The following GALNT13 variants were observed in gnomAD, a reference collection of about 807,000 sequenced individuals.
GALNT13 encodes UDP-GalNAc:polypeptide N-acetylgalactosaminyltransferase 13.
In GALNT13, 28 loss-of-function variants were observed where a neutral mutation model predicts 64.2. The observed-to-expected ratio is 0.44, with a 90% CI of 0.32 to 0.60. The LOEUF (loss-of-function observed/expected upper bound fraction) is 0.60. GALNT13 is among the 20% of genes least tolerant of loss of function. The pLI is 0.05. For synonymous variants in GALNT13, 214 were observed against 224.6 expected, an observed-to-expected ratio of 0.95 and a Z score of 0.42; for missense variants, 577 against 669.8, an observed-to-expected ratio of 0.86 and a Z score of 1.53.
chr2:154,106,527 T>G (rs1026181072), intron 3 of GALNT13, among the ~76,000 whole-genome samples: 3 of 151,998 alleles, frequency 2.0e-5, no homozygotes, highest in African/African-American at 7.2e-5. Context: ...ATTTCTTTCT[T>G]TTACCTATGT....
At chr2:154,096,590 A>G (rs984785445) in intron 3 of GALNT13, among the ~76,000 whole-genome samples, 1 of 151,980 alleles carries the variant, frequency 6.6e-6, no homozygotes, top group South Asian at 2.1e-4. Context: ...TTTGATTTCT[A>G]TCAGAAACAA....
At chr2:154,365,594 A>G (rs1178969593) in intron 9 of GALNT13, among the ~76,000 whole-genome samples, 1 of 152,216 alleles carries the variant, frequency 6.6e-6, no homozygotes, top group African/African-American at 2.4e-5. Flanking sequence ...TCATAAAGTA[A>G]GGTGGACTTC....
the GALNT13 span, among the ~76,000 whole-genome samples, chr2:153,684,448 G>A: frequency 4.0e-5 from 6 of 151,352 alleles, no homozygotes; most frequent in East Asian, 1.9e-4. Flanking sequence ...TAGGAGTCAC[G>A]TCACATTGCA....
chr2:153,484,113 G>T, the GALNT13 span, among the ~76,000 whole-genome samples: 1 of 151,974 alleles, frequency 6.6e-6, no homozygotes, highest in Non-Finnish European at 1.5e-5. Flanking sequence ...TGAAAATACA[G>T]AACACTTAGA....
At chr2:154,086,491 G>A (rs145901026) in intron 3 of GALNT13, among the ~76,000 whole-genome samples, 92 of 149,920 alleles carry the variant, frequency 6.1e-4, no homozygotes, top group African/African-American at 2.0e-3. Context: ...ATAGGTATGG[G>A]CAATTTTGAT....
chr2:153,190,021 T>C, the GALNT13 span, among the ~76,000 whole-genome samples: 6 of 152,128 alleles, frequency 3.9e-5, no homozygotes, highest in Non-Finnish European at 8.8e-5. Context: ...ATTTGACAAA[T>C]ATTTTTTCCA....
intron 3 of GALNT13, among the ~76,000 whole-genome samples, chr2:153,987,164 G>T (rs1694853436): frequency 6.6e-6 from 1 of 151,924 alleles, no homozygotes; most frequent in Non-Finnish European, 1.5e-5. Flanking sequence ...GGAGTAGGAA[G>T]AATCAGGATG....
intron 9 of GALNT13, among the ~76,000 whole-genome samples, chr2:154,394,299 C>T (rs1224682964): frequency 4.6e-5 from 7 of 151,894 alleles, no homozygotes; most frequent in South Asian, 2.1e-4. Flanking sequence ...TATTTCATGA[C>T]GTGAAAATTA....
At position 154,450,534 on chromosome 2, in the gene GALNT13, A is replaced by G. The variant is rs1701835976; in HGVS notation, c.1654A>G (p.Met552Val). Residue 552 changes from methionine (M) to valine (V), a missense_variant, in exon 13 of 13, where the codon ATG (methionine) becomes GTG (valine). Around this residue, in one of 3 missense-constraint regions of GALNT13, gnomAD observed 232 missense variants for 270.6 expected, o/e 0.86. Transcript: ENST00000392825. ...ATCCCAACAGTGGCTGCTAAGGAAC[A>G]TGACCTTGGGCACATGAAGATCATG... Reference protein sequence around the residue: ...SRSQQWLLRNMTLGT With the variant: ...SRSQQWLLRNVTLGT 2.5e-6 allele frequency: 4 copies of G among 1,609,378 alleles called. No homozygotes were observed. The highest frequency in any genetic ancestry group is 1.3e-5 in the African/African-American group (1 of 74,716).
chr2:153,151,554 A>T, the GALNT13 span, among the ~76,000 whole-genome samples: 2 of 152,180 alleles, frequency 1.3e-5, no homozygotes, highest in African/African-American at 4.8e-5. Context: ...AGCACTATTC[A>T]CAATAGCAAA....
At chr2:154,391,860 G>GA (rs1173613081) in intron 9 of GALNT13, among the ~76,000 whole-genome samples, 3 of 151,978 alleles carry the variant, frequency 2.0e-5, no homozygotes, top group Non-Finnish European at 2.9e-5. Flanking sequence ...AAGTGCCATG[G>GA]AAAAAAATTA....
intron 8 of GALNT13, among the ~76,000 whole-genome samples, chr2:154,269,712 G>T (rs114357238): frequency 0.019 from 2,873 of 151,248 alleles, 69 homozygotes; most frequent in African/African-American, 0.058. Flanking sequence ...ATAGCTTGAA[G>T]TTTTAGCTTC....
chr2:154,321,000 C>G (rs1268195066), intron 9 of GALNT13, among the ~76,000 whole-genome samples: 1 of 151,940 alleles, frequency 6.6e-6, no homozygotes, highest in African/African-American at 2.4e-5. Flanking sequence ...GGAAAATCCT[C>G]AAATATAGGT....
chr2:154,123,809 G>GA (rs1286867989), intron 3 of GALNT13, among the ~76,000 whole-genome samples: 2 of 151,894 alleles, frequency 1.3e-5, no homozygotes, highest in Non-Finnish European at 2.9e-5. Flanking sequence ...AATGCGAGAA[G>GA]AAAAAAATAT....
the GALNT13 span, among the ~76,000 whole-genome samples, chr2:153,397,976 G>C: frequency 6.6e-6 from 1 of 151,906 alleles, no homozygotes; most frequent in East Asian, 1.9e-4. Flanking sequence ...CATTGTGCAG[G>C]TTAGTTACAT....
chr2:153,181,322 C>T, the GALNT13 span, among the ~76,000 whole-genome samples: 3 of 149,950 alleles, frequency 2.0e-5, no homozygotes, highest in African/African-American at 7.3e-5. Flanking sequence ...TGACGTTTTA[C>T]TTATTATTAA....
At chr2:153,908,403 C>G (rs1489535463) in intron 2 of GALNT13, among the ~76,000 whole-genome samples, 1 of 152,100 alleles carries the variant, frequency 6.6e-6, no homozygotes, top group Non-Finnish European at 1.5e-5. Context: ...AGTTAGATCC[C>G]ATTTGTCAAT....
intron 2 of GALNT13, among the ~76,000 whole-genome samples, chr2:153,926,543 C>T (rs1435047451): frequency 6.6e-6 from 1 of 152,116 alleles, no homozygotes; most frequent in Admixed American, 6.6e-5. Context: ...GAGGCAAATT[C>T]TTATCTTTCC....
the GALNT13 span, among the ~76,000 whole-genome samples, chr2:153,822,448 A>T: frequency 1.2e-4 from 19 of 152,290 alleles, no homozygotes; most frequent in East Asian, 3.3e-3. Flanking sequence ...AACAAATATG[A>T]CTCACAACAT....
Sources: allele counts gnomAD v4.1 joint callset (sites outside exome capture counted in the v4.1 genomes callset), GRCh38; gene constraint gnomAD v4.1.1; regional missense constraint gnomAD v4.1.1; transcripts MANE v1.5; gene names NCBI Gene and HGNC (gene_info 2026-07-23, HGNC 2026-07-21).